Variants in FAM163A observed in about 807,000 individuals in gnomAD.
FAM163A encodes the protein protein FAM163A.
A neutral mutation model predicts 12.0 loss-of-function variants in FAM163A; 7 were observed. The ratio of observed to expected loss-of-function variants is 0.58; its 90% CI spans 0.33 to 1.10. FAM163A has a LOEUF of 1.10. Ranked by LOEUF, FAM163A falls within the 50% of genes least tolerant of loss-of-function variation. The probability of loss-of-function intolerance (pLI) is 0.03; values close to 1 mark genes in which losing one functional copy is unlikely to be tolerated. For synonymous variants in FAM163A, 101 were observed against 91.0 expected (o/e 1.11, Z -0.62); for missense variants, 202 against 218.6 (o/e 0.92, Z 0.48).
chr1:179,785,220 G>A (rs1245584959), intron 1 of FAM163A, among the ~76,000 whole-genome samples: 1 of 152,126 alleles, frequency 6.6e-6, no homozygotes, highest in East Asian at 1.9e-4. Flanking sequence ...CCCTTGCCTG[G>A]TATATAAGTT....
chr1:179,789,404 A>G (rs1483041370), intron 1 of FAM163A, among the ~76,000 whole-genome samples: 1 of 151,736 alleles, frequency 6.6e-6, no homozygotes, highest in East Asian at 1.9e-4. Context: ...TTGGTCTTGA[A>G]CTCCTGACCT....
At chr1:179,745,156 G>A (rs1171256540) in intron 1 of FAM163A, among the ~76,000 whole-genome samples, 1 of 152,180 alleles carries the variant, frequency 6.6e-6, no homozygotes, top group Non-Finnish European at 1.5e-5. Flanking sequence ...GGCGTCCAGA[G>A]GGGAAGTAAT....
chr1:179,728,876 G>A, the FAM163A span, among the ~76,000 whole-genome samples: 9 of 152,034 alleles, frequency 5.9e-5, no homozygotes, highest in South Asian at 2.1e-4. Context: ...CTCACTCCCC[G>A]AGACATCGAT....
chr1:179,796,516 C>T (rs1692344369), intron 1 of FAM163A, among the ~76,000 whole-genome samples: 1 of 152,176 alleles, frequency 6.6e-6, no homozygotes, highest in Non-Finnish European at 1.5e-5. Context: ...CCACCTCTCC[C>T]TCTATCTTGC....
At chr1:179,759,644 A>G (rs1160467307) in intron 1 of FAM163A, among the ~76,000 whole-genome samples, 1 of 151,938 alleles carries the variant, frequency 6.6e-6, no homozygotes, top group African/African-American at 2.4e-5. Context: ...GCAAGGTGGG[A>G]CTGGGGAGGT....
intron 1 of FAM163A, among the ~76,000 whole-genome samples, chr1:179,774,464 T>C (rs991328813): frequency 2.0e-5 from 3 of 152,222 alleles, no homozygotes; most frequent in African/African-American, 4.8e-5. Flanking sequence ...TGTGCTTTTT[T>C]CTCCGGGAAG....
chr1:179,798,307 G>A (rs1018904607), intron 1 of FAM163A, among the ~76,000 whole-genome samples: 1 of 152,190 alleles, frequency 6.6e-6, no homozygotes, highest in Admixed American at 6.5e-5. Context: ...CCATCCGTGT[G>A]GCTGAGGGCA....
the FAM163A span, among the ~76,000 whole-genome samples, chr1:179,729,745 A>C: frequency 6.6e-6 from 1 of 152,234 alleles, no homozygotes; most frequent in Non-Finnish European, 1.5e-5. Flanking sequence ...CCTGGCCCCT[A>C]GAAATACCAC....
intron 1 of FAM163A, among the ~76,000 whole-genome samples, chr1:179,752,072 A>T (rs1685348464): frequency 6.6e-6 from 1 of 152,232 alleles, no homozygotes; most frequent in South Asian, 2.1e-4. Flanking sequence ...TACAGTAATT[A>T]AAACAGTATG....
the FAM163A span, among the ~76,000 whole-genome samples, chr1:179,728,406 C>T: frequency 1.3e-5 from 2 of 152,118 alleles, no homozygotes; most frequent in African/African-American, 2.4e-5. Flanking sequence ...TGGCAGGATG[C>T]GGTGAGATGA....
At position 179,814,494 on chromosome 1, in the gene FAM163A, C is replaced by T. The variant is rs1307207696; in HGVS notation, c.*305C>T. 1 of 327,918 alleles carries T rather than the reference C, an allele frequency of 3.0e-6. No individual in the cohort carries two copies. The highest frequency in any genetic ancestry group is 5.6e-6 in the Non-Finnish European group (1 of 179,046). The allele number at this position is 327,918 out of a possible 1,614,324, so 20.3% of individuals were successfully genotyped here. A position where few individuals can be genotyped will look rare whatever the true frequency, so the allele number is the denominator to read the frequency against. ...CCACCACAACCCCTTGCAGTGTGCCCCAGTCCCCTGGATTCGCTGGACTGC... is the reference window on the plus strand; with the variant it reads ...CCACCACAACCCCTTGCAGTGTGCCTCAGTCCCCTGGATTCGCTGGACTGC... On this transcript the variant is annotated 3_prime_UTR_variant, in exon 5 of 5. Coordinates refer to ENST00000341785, the MANE Select transcript of FAM163A (RefSeq NM_173509.3).
intron 1 of FAM163A, among the ~76,000 whole-genome samples, chr1:179,772,751 T>C (rs1688446590): frequency 6.6e-6 from 1 of 152,086 alleles, no homozygotes; most frequent in Non-Finnish European, 1.5e-5. Flanking sequence ...AGGGCTGATC[T>C]AACAGCTCCA....
upstream of FAM163A, among the ~76,000 whole-genome samples, chr1:179,738,547 C>T (rs967081284): frequency 1.3e-5 from 2 of 151,980 alleles, no homozygotes; most frequent in Non-Finnish European, 2.9e-5. Context: ...TCCAGGAATG[C>T]AAAGCTGGTT....
At chr1:179,732,805 C>T in the FAM163A span, among the ~76,000 whole-genome samples, 14 of 130,930 alleles carry the variant, frequency 1.1e-4, no homozygotes, top group South Asian at 5.1e-4. Context: ...CGCTTGAACC[C>T]GGGAGGTGGA....
At chr1:179,732,300 A>G in the FAM163A span, among the ~76,000 whole-genome samples, 10 of 152,224 alleles carry the variant, frequency 6.6e-5, no homozygotes, top group African/African-American at 2.4e-4. Context: ...CTGGTGACCC[A>G]TGCCAAAACA....
chr1:179,738,508 T>G (rs964941498), upstream of FAM163A, among the ~76,000 whole-genome samples: 3 of 152,160 alleles, frequency 2.0e-5, no homozygotes, highest in Admixed American at 6.5e-5. Flanking sequence ...TGTGAAAAGA[T>G]TTATACACTT....
chr1:179,765,677 A>ATTTTTTTTTTTTTTTTTTTTTTTTT (rs749528573), intron 1 of FAM163A, among the ~76,000 whole-genome samples: 1 of 127,230 alleles, frequency 7.9e-6, no homozygotes, highest in African/African-American at 3.0e-5. Context: ...AGCTTTGGGA[A>ATTTTTTTTTTTTTTTTTTTTTTTTT]TTTTTTTTTT....
intron 2 of FAM163A, among the ~76,000 whole-genome samples, chr1:179,811,615 G>C (rs1156540264): frequency 6.6e-6 from 1 of 152,222 alleles, no homozygotes; most frequent in Non-Finnish European, 1.5e-5. Flanking sequence ...ACACTGCCGG[G>C]CAGGTGCAGC....
intron 2 of FAM163A, among the ~76,000 whole-genome samples, chr1:179,809,756 A>G (rs1694446176): frequency 6.6e-6 from 1 of 151,958 alleles, no homozygotes; most frequent in Non-Finnish European, 1.5e-5. Context: ...GCTTCAGGTC[A>G]CTCCTAGACC....
Sources: allele counts gnomAD v4.1 joint callset (sites outside exome capture counted in the v4.1 genomes callset), GRCh38; gene constraint gnomAD v4.1.1; transcripts MANE v1.5; gene names NCBI Gene and HGNC (gene_info 2026-07-23, HGNC 2026-07-21).